GLIS3: variants seen among roughly 807,000 people sequenced by gnomAD.
GLIS3 encodes zinc finger protein GLIS3.
Under a neutral mutation model 78.6 loss-of-function variants are expected in GLIS3, and 53 were observed. The observed-to-expected ratio is 0.67, with a 90% confidence interval of 0.54 to 0.85. The LOEUF (loss-of-function observed/expected upper bound fraction) is 0.85, where lower values mean the gene tolerates loss of function less well. Ranked by LOEUF, GLIS3 falls within the 40% of genes least tolerant of loss-of-function variation. GLIS3 has a pLI of 0.00. For missense variants in GLIS3, 1,703 were observed against 1,231.1 expected (o/e 1.38, Z -5.74); for synonymous variants, 684 against 509.9 (o/e 1.34, Z -4.60).
the GLIS3 span, among the ~76,000 whole-genome samples, chr9:4,452,526 A>AT: frequency 1.3e-5 from 2 of 152,174 alleles, no homozygotes; most frequent in Non-Finnish European, 2.9e-5. Context: ...CTATAAACCA[A>AT]TAATAGGCAA....
intron 4 of GLIS3, among the ~76,000 whole-genome samples, chr9:3,998,112 G>T (rs990280419): frequency 3.9e-5 from 6 of 152,080 alleles, no homozygotes; most frequent in Non-Finnish European, 8.8e-5. Context: ...GCATCTCTAT[G>T]ACATGATTCC....
At chr9:4,134,924 C>T (rs1259225077) in intron 2 of GLIS3, among the ~76,000 whole-genome samples, 1 of 152,122 alleles carries the variant, frequency 6.6e-6, no homozygotes, top group Non-Finnish European at 1.5e-5. Context: ...GAAAGAGCTG[C>T]CCTGGACTAG....
the GLIS3 span, among the ~76,000 whole-genome samples, chr9:4,399,717 CAAGTA>C: frequency 3.3e-5 from 5 of 152,102 alleles, no homozygotes; most frequent in African/African-American, 4.8e-5. Context: ...CTGTAAGTAA[CAAGTA>C]AAGTAGACTA....
intron 2 of GLIS3, among the ~76,000 whole-genome samples, chr9:4,268,275 T>C (rs1037148245): frequency 1.4e-4 from 22 of 152,176 alleles, no homozygotes; most frequent in Non-Finnish European, 1.6e-4. Context: ...CACTGGGTTT[T>C]TGACAGCTTA....
upstream of GLIS3, among the ~76,000 whole-genome samples, chr9:4,352,536 A>C (rs906180600): frequency 6.6e-6 from 1 of 152,238 alleles, no homozygotes; most frequent in Non-Finnish European, 1.5e-5. Context: ...GAAACCAAAC[A>C]ACCATGCTCT....
chr9:4,192,025 A>G (rs1818376997), intron 2 of GLIS3, among the ~76,000 whole-genome samples: 1 of 152,196 alleles, frequency 6.6e-6, no homozygotes, highest in Non-Finnish European at 1.5e-5. Flanking sequence ...TGATTCTCAA[A>G]AAAGGGCCAT....
At chr9:4,166,315 T>A (rs1199599585) in intron 2 of GLIS3, among the ~76,000 whole-genome samples, 1 of 152,082 alleles carries the variant, frequency 6.6e-6, no homozygotes, top group Non-Finnish European at 1.5e-5. Context: ...TACACTTTGA[T>A]ACAGTGAAGG....
At chr9:4,279,878 T>C (rs909780113) in intron 2 of GLIS3, among the ~76,000 whole-genome samples, 7 of 151,664 alleles carry the variant, frequency 4.6e-5, no homozygotes, top group Non-Finnish European at 7.4e-5. Flanking sequence ...CCAAAGGTAA[T>C]ATATGATCTT....
intron 2 of GLIS3, among the ~76,000 whole-genome samples, chr9:4,335,335 C>A (rs1446668819): frequency 6.6e-6 from 1 of 152,168 alleles, no homozygotes; most frequent in Non-Finnish European, 1.5e-5. Flanking sequence ...GCCAATTAAC[C>A]TGTGAAATTG....
At chr9:4,344,173 C>T (rs1360350426) in intron 2 of GLIS3, among the ~76,000 whole-genome samples, 2 of 152,144 alleles carry the variant, frequency 1.3e-5, no homozygotes, top group Non-Finnish European at 2.9e-5. Context: ...TCTCTGGTCC[C>T]CTTTACAGCA....
chr9:4,358,256 C>T, the GLIS3 span, among the ~76,000 whole-genome samples: 1 of 151,936 alleles, frequency 6.6e-6, no homozygotes, highest in Non-Finnish European at 1.5e-5. Flanking sequence ...AGGAATTCTG[C>T]TTTTTTTTGT....
At chr9:4,421,974 G>A in the GLIS3 span, among the ~76,000 whole-genome samples, 1 of 152,164 alleles carries the variant, frequency 6.6e-6, no homozygotes, top group Non-Finnish European at 1.5e-5. Flanking sequence ...ACTCAATTGT[G>A]AATGCAGGCA....
At chr9:4,062,051 G>A (rs1321355545) in intron 4 of GLIS3, among the ~76,000 whole-genome samples, 1 of 152,122 alleles carries the variant, frequency 6.6e-6, no homozygotes, top group East Asian at 1.9e-4. Context: ...ATCTTTCCTG[G>A]ACACAATTTC....
the GLIS3 span, among the ~76,000 whole-genome samples, chr9:4,395,334 T>A: frequency 6.6e-6 from 1 of 152,348 alleles, no homozygotes; most frequent in South Asian, 2.1e-4. Flanking sequence ...GGGTATTTTG[T>A]TGAGGCGCTG....
At chr9:4,364,755 GC>G in the GLIS3 span, among the ~76,000 whole-genome samples, 1 of 15,508 alleles carries the variant, frequency 6.4e-5, no homozygotes, top group South Asian at 2.3e-3. Context: ...ATCATGTATT[GC>G]TTTTTTTTTT....
At chr9:4,295,078 G>C (rs1490980516) in intron 1 of GLIS3, among the ~76,000 whole-genome samples, 1 of 152,198 alleles carries the variant, frequency 6.6e-6, no homozygotes, top group African/African-American at 2.4e-5. Flanking sequence ...CATTCTTCTG[G>C]GTAGGCATGT....
At chr9:4,306,838 C>T (rs561451877) in intron 4 of GLIS3, among the ~76,000 whole-genome samples, 2 of 152,226 alleles carry the variant, frequency 1.3e-5, no homozygotes, top group Non-Finnish European at 2.9e-5. Context: ...ATAGATACCC[C>T]TTGCTGATAT....
At chr9:3,877,594 T>C (rs1438973081) in intron 8 of GLIS3, among the ~76,000 whole-genome samples, 2 of 152,248 alleles carry the variant, frequency 1.3e-5, no homozygotes, top group African/African-American at 2.4e-5. Context: ...CACACTCTTT[T>C]TGTATTTTTC....
At chr9:4,327,623 G>A (rs574184551) in intron 2 of GLIS3, among the ~76,000 whole-genome samples, 17 of 152,294 alleles carry the variant, frequency 1.1e-4, no homozygotes, top group East Asian at 3.9e-4. Flanking sequence ...GAAGCTGGCC[G>A]GAAAGGACCT....
Sources: allele counts gnomAD v4.1 joint callset (sites outside exome capture counted in the v4.1 genomes callset), GRCh38; gene constraint gnomAD v4.1.1; transcripts MANE v1.5; gene names NCBI Gene and HGNC (gene_info 2026-07-23, HGNC 2026-07-21).